Variants in TRIP13 observed in about 807,000 individuals in gnomAD.
The protein encoded by TRIP13 is pachytene checkpoint protein 2 homolog.
A neutral mutation model predicts 54.4 loss-of-function variants in TRIP13; 25 were observed. That is an observed-to-expected ratio of 0.46 (90% CI 0.33 to 0.64). TRIP13 has a LOEUF of 0.64. TRIP13 is among the 30% of genes least tolerant of loss of function. The probability of loss-of-function intolerance (pLI) is 0.02; values close to 1 mark genes in which losing one functional copy is unlikely to be tolerated. For missense variants in TRIP13, 373 were observed against 534.2 expected, an observed-to-expected ratio of 0.70 and a Z score of 2.97; for synonymous variants, 207 against 207.8, an observed-to-expected ratio of 1.00 and a Z score of 0.03.
chr5:914,471 A>G lies in TRIP13; in HGVS notation c.1027A>G (p.Ile343Val). The G allele has an allele frequency of 6.2e-7, 1 of 1,612,936 alleles. No homozygotes were observed. The highest frequency in any genetic ancestry group is 8.5e-7 in the Non-Finnish European group (1 of 1,179,652). Reference sequence around the variant, plus strand: ...TGTACTTCTGTCTCCCCAGTGTCAGATCATATACCCTCGCCAGCAGCTGCT... The same window carrying G: ...TGTACTTCTGTCTCCCCAGTGTCAGGTCATATACCCTCGCCAGCAGCTGCT... ...SCLEELMKCQIIYPRQQLLTL... is the reference protein window; with the variant it reads ...SCLEELMKCQVIYPRQQLLTL... Residue 343 changes from isoleucine to valine, a missense_variant, in exon 11 of 13, where the codon ATC becomes GTC. Ile to Val is a conservative substitution (Grantham distance 29). Transcript: ENST00000166345.
At chr5:914,623 A>G (rs1177313091) in intron 11 of TRIP13, 46 bp downstream of exon 11, 1 of 1,486,984 alleles carries the variant, frequency 6.7e-7, no homozygotes, top group Non-Finnish European at 9.3e-7. Flanking sequence ...TCCATTTGTG[A>G]TATTAACTAG....
chr5:915,798 C>T lies in TRIP13; in HGVS notation c.1134-106C>T, dbSNP rs941204828. The T allele has an allele frequency of 2.0e-5, 23 of 1,168,142 alleles. No homozygotes were observed. Among genetic ancestry groups the T allele is most frequent in the Non-Finnish European group, 2.8e-5 (22 of 783,450 alleles). 72.4% of individuals were successfully genotyped at this position (1,168,142 alleles called of 1,614,324 possible). ...CTGTGAACCCAGGGTGTGCTTGGGA[C>T]GCCTCGGCTTGTGTTCCCAGGGATG... On this transcript the variant is annotated intron_variant, in intron 11 of 12. Coordinates refer to ENST00000166345, the MANE Select transcript of TRIP13 (RefSeq NM_004237.4). This position sits in a 1 kb window ranked among gnomAD's most constrained non-coding sequence, Gnocchi z 4.2.
chr5:907,707 G>A lies in TRIP13; in HGVS notation c.673-281G>A, dbSNP rs778621846. Among the ~76,000 whole-genome samples the A allele has an allele frequency of 1.3e-5, 2 of 152,216 alleles. No homozygotes were observed. The highest frequency in any genetic ancestry group is 2.9e-5 in the Non-Finnish European group (2 of 68,028). On this transcript the variant is annotated intron_variant, in intron 7 of 12. Coordinates refer to ENST00000166345, the MANE Select transcript of TRIP13 (RefSeq NM_004237.4). The surrounding 1 kb of genome is among the most constrained non-coding windows in gnomAD (Gnocchi z 4.1). ...TTTTCCTCATCAGAGAGGACACACA[G>A]GTAAAGCAGAGGTACAGGTCACCCT...
At position 914,540 on chromosome 5, in the gene TRIP13, G is replaced by A. The variant is rs908695403; in HGVS notation, c.1096G>A (p.Val366Met). ...LEMIGFIENNVSKLSLLLNDI... is the reference protein window; with the variant it reads ...LEMIGFIENNMSKLSLLLNDI... ...GATGATTGGCTTCATTGAAAACAAC[G>A]TGTCAAAATTGAGCCTTCTTTTGAA... Residue 366 changes from valine to methionine, a missense_variant, in exon 11 of 13, where the codon GTG becomes ATG. Around this residue, in one of 4 missense-constraint regions of TRIP13, gnomAD observed 101 missense variants for 138.5 expected, o/e 0.73. Coordinates refer to ENST00000166345, the MANE Select transcript of TRIP13 (RefSeq NM_004237.4). 10 of 1,613,408 alleles carry A rather than the reference G, an allele frequency of 6.2e-6. No homozygotes were observed. The highest frequency in any genetic ancestry group is 8.5e-6 in the Non-Finnish European group (10 of 1,179,908).
chr5:895,459 T>A (rs1486210051), intron 2 of TRIP13, among the ~76,000 whole-genome samples: 1 of 151,910 alleles, frequency 6.6e-6, no homozygotes, highest in Non-Finnish European at 1.5e-5. Context: ...GGCACCAGTA[T>A]AAAAACAACC....
At chr5:916,734 C>T (rs1754347930) in intron 12 of TRIP13, among the ~76,000 whole-genome samples, 1 of 152,178 alleles carries the variant, frequency 6.6e-6, no homozygotes, top group Non-Finnish European at 1.5e-5. Flanking sequence ...GGGTGGCTGC[C>T]TTGGTGCTCC....
rs2150687851 is a variant in TRIP13 at position 907,530 on chromosome 5, T to C, written c.672+337T>C. ...GAGTTGAGGGGGTCAGACAAGGTGA[T>C]GTCACATGTGATTCTTACCTCTGAG... is the stretch of plus-strand genomic sequence containing the variant. On this transcript the variant is annotated intron_variant, in intron 7 of 12. Coordinates refer to ENST00000166345, the MANE Select transcript of TRIP13 (RefSeq NM_004237.4). This position sits in a 1 kb window ranked among gnomAD's most constrained non-coding sequence, Gnocchi z 4.1. Among the ~76,000 whole-genome samples the C allele has an allele frequency of 6.6e-6, 1 of 152,338 alleles. No individual in the cohort carries two copies. The highest frequency in any genetic ancestry group is 2.4e-5 in the African/African-American group (1 of 41,578).
Position 907,195 on chromosome 5 carries a change from T to C in TRIP13, c.672+2T>C. 6.2e-7 allele frequency: 1 copy of C among 1,610,968 alleles called. No homozygotes were observed. Among genetic ancestry groups the C allele is most frequent in the South Asian group, 1.1e-5 (1 of 90,976 alleles). Reference sequence around the variant, plus strand: ...CTCTTTTCTAAGTGGTTTTCGGAAGTAAGTATTAAATATTAATTCTAATTG... The same window carrying C: ...CTCTTTTCTAAGTGGTTTTCGGAAGCAAGTATTAAATATTAATTCTAATTG... On this transcript the variant is annotated splice_donor_variant, in intron 7 of 12. Coordinates refer to ENST00000166345, the MANE Select transcript of TRIP13 (RefSeq NM_004237.4). LOFTEE classifies it high-confidence loss of function. This position sits in a 1 kb window ranked among gnomAD's most constrained non-coding sequence, Gnocchi z 4.1.
intron 5 of TRIP13, among the ~76,000 whole-genome samples, chr5:903,505 TATTTA>T (rs1418457113): frequency 6.6e-6 from 1 of 152,210 alleles, no homozygotes; most frequent in Admixed American, 6.6e-5. Flanking sequence ...ATTCTTATTT[TATTTA>T]TTTTATTATA....
At chr5:914,869 G>C (rs1388330633) in intron 11 of TRIP13, among the ~76,000 whole-genome samples, 1 of 152,168 alleles carries the variant, frequency 6.6e-6, no homozygotes, top group African/African-American at 2.4e-5. Flanking sequence ...AGGATTCGCA[G>C]AGTCCACAGA....
intron 5 of TRIP13, among the ~76,000 whole-genome samples, chr5:902,023 A>T (rs1754002898): frequency 6.6e-6 from 1 of 152,222 alleles, no homozygotes; most frequent in Non-Finnish European, 1.5e-5. Flanking sequence ...ACTAAACCTT[A>T]TGTAGACTAT....
In TRIP13 at chr5:913,191, A is replaced by G. The variant is rs1754276489; in HGVS notation, c.1020+1195A>G. ...CACGTGATAGCAGATCCTGCGAGGAAGTCGTGTGTGTTGGAGGTCCTCACG... is the reference window on the plus strand; with the variant it reads ...CACGTGATAGCAGATCCTGCGAGGAGGTCGTGTGTGTTGGAGGTCCTCACG... On this transcript the variant is annotated intron_variant, in intron 10 of 12. Transcript: ENST00000166345. The surrounding 1 kb of genome is among the most constrained non-coding windows in gnomAD (Gnocchi z 4.5). 6.6e-6 allele frequency among the ~76,000 whole-genome samples: 1 copy of G among 152,136 alleles called. No individual in the cohort carries two copies. The highest frequency in any genetic ancestry group is 1.5e-5 in the Non-Finnish European group (1 of 68,014).
rs1393545030 is a variant in TRIP13, at chr5:894,910, T to G, written c.216T>G (p.Ser72=). Residue 72 remains serine, a synonymous_variant, in exon 2 of 13, where the codon TCT becomes TCG. Coordinates refer to ENST00000166345, the MANE Select transcript of TRIP13 (RefSeq NM_004237.4). ...CTTTTTTGACCAGAAATGTGCAGTC[T>G]GTGTCTATTATTGACACAGAATTAA... The part of the protein sequence containing the change: ...DEPFLTRNVQ[S]VSIIDTELKV... 1 of 1,613,500 alleles carries G rather than the reference T, an allele frequency of 6.2e-7. No individual in the cohort carries two copies. The highest frequency in any genetic ancestry group is 8.5e-7 in the Non-Finnish European group (1 of 1,179,898).
At position 907,304 on chromosome 5, in the gene TRIP13, G is replaced by A; in HGVS notation, c.672+111G>A. The A allele has an allele frequency of 1.0e-6, 1 of 981,172 alleles. No individual in the cohort carries two copies. Among genetic ancestry groups the A allele is most frequent in the East Asian group, 2.7e-5 (1 of 37,358 alleles). The allele number at this position is 981,172 out of a possible 1,614,324, so 60.8% of individuals were successfully genotyped here. Reference sequence around the variant, plus strand: ...TTCAGGAGAGAACTGGGTGGGAAGGGTGTGTGAGGATTGGGGCTGACTGTG... The same window carrying A: ...TTCAGGAGAGAACTGGGTGGGAAGGATGTGTGAGGATTGGGGCTGACTGTG... On this transcript the variant is annotated intron_variant, in intron 7 of 12. Transcript: ENST00000166345. The surrounding 1 kb of genome is among the most constrained non-coding windows in gnomAD (Gnocchi z 4.1).
intron 5 of TRIP13, among the ~76,000 whole-genome samples, chr5:902,558 C>T (rs1211138917): frequency 6.6e-6 from 1 of 152,198 alleles, no homozygotes; most frequent in African/African-American, 2.4e-5. Flanking sequence ...CCATATTGGT[C>T]ACCTCGCAGC....
rs1562213 is a variant in TRIP13, at chr5:916,055, G to A, written c.1203+82G>A. ...CGGAGATTCCGCTTAGTAGCCCTGG[G>A]GTATCAGCCTCATTTTATCTCAGTT... is the stretch of plus-strand genomic sequence containing the variant. On this transcript the variant is annotated intron_variant, in intron 12 of 12. Transcript: ENST00000166345. 2,356 of 1,371,948 alleles carry A rather than the reference G, an allele frequency of 1.7e-3. 77 individuals carry two copies. The East Asian group carries it at 0.044, about 26-fold the overall frequency. 85.0% of individuals were successfully genotyped at this position (1,371,948 alleles called of 1,614,324 possible).
In TRIP13 at chr5:907,742, G is replaced by A. The variant is rs1057131183; in HGVS notation, c.673-246G>A. ...AGGTACAGGTCACCCTCACTGTGCC[G>A]CCCCGGGCAGGTCAGGTGTGGTCTC... On this transcript the variant is annotated intron_variant, in intron 7 of 12. Transcript: ENST00000166345. The surrounding 1 kb of genome is among the most constrained non-coding windows in gnomAD (Gnocchi z 4.1). Among the ~76,000 whole-genome samples, 5 of 152,240 alleles carry A rather than the reference G, an allele frequency of 3.3e-5. No individual in the cohort carries two copies. Among genetic ancestry groups the A allele is most frequent in the South Asian group, 2.1e-4 (1 of 4,836 alleles).
At chr5:906,598 T>C (rs972723537) in intron 6 of TRIP13, among the ~76,000 whole-genome samples, 17 of 152,342 alleles carry the variant, frequency 1.1e-4, no homozygotes, top group African/African-American at 3.8e-4. Context: ...CTCAGTCTTG[T>C]TCTCTGGTGA....
intron 12 of TRIP13, among the ~76,000 whole-genome samples, chr5:916,331 C>T (rs1754340325): frequency 6.6e-6 from 1 of 152,246 alleles, no homozygotes; most frequent in Admixed American, 6.5e-5. Context: ...GATCCACAGC[C>T]TCACCCACTG....
Sources: allele counts gnomAD v4.1 joint callset (sites outside exome capture counted in the v4.1 genomes callset), GRCh38; gene constraint gnomAD v4.1.1; regional missense constraint gnomAD v4.1.1; non-coding constraint Gnocchi (gnomAD v3.1); transcripts MANE v1.5; gene names NCBI Gene and HGNC (gene_info 2026-07-23, HGNC 2026-07-21).